The following INSRR variants were observed in gnomAD, a reference collection of about 807,000 sequenced individuals.
INSRR encodes insulin receptor-related protein.
INSRR carries 114 observed loss-of-function variants against 130.0 expected under a neutral mutation model. The observed-to-expected ratio is 0.88, with a 90% CI of 0.75 to 1.02. The LOEUF is 1.02. Among genes scored for constraint, INSRR ranks in the 50% least tolerant of loss-of-function variants. The pLI is 0.00. For synonymous variants in INSRR, 674 were observed against 705.2 expected, an observed-to-expected ratio of 0.96 and a Z score of 0.70; for missense variants, 1,657 against 1,735.2, an observed-to-expected ratio of 0.95 and a Z score of 0.80.
At position 156,841,709 on chromosome 1, in the gene INSRR, G is replaced by T; in HGVS notation, c.3483C>A (p.Pro1161=). The T allele has an allele frequency of 6.2e-7, 1 of 1,614,084 alleles. No homozygotes were observed. Among genetic ancestry groups the T allele is most frequent in the East Asian group, 2.2e-5 (1 of 44,878 alleles). Residue 1161 remains proline (P), a synonymous_variant, in exon 20 of 22, where the codon CCC becomes CCA. Transcript: ENST00000368195. ...TGAAGATCCCATCTTTGAGGGACTC[G>T]GGGGCCATCCAGCGCACGGGCAGCA... ...KGLLPVRWMA[P]ESLKDGIFTT... is the part of the protein sequence containing the mutation.
At position 156,841,727 on chromosome 1, in the gene INSRR, G is replaced by C; in HGVS notation, c.3465C>G (p.Pro1155=). ...YYRKGGKGLL[P]VRWMAPESLK... is the part of the protein sequence containing the mutation. The stretch of plus-strand genomic sequence containing the variant: ...GGGACTCGGGGGCCATCCAGCGCAC[G>C]GGCAGCAGCCCCTTCCCACCCTTGC... Residue 1155 remains proline (P), a synonymous_variant, in exon 20 of 22, where the codon CCC becomes CCG. Coordinates refer to ENST00000368195, the MANE Select transcript of INSRR (RefSeq NM_014215.3). 2 of 1,614,126 alleles carry C rather than the reference G, an allele frequency of 1.2e-6. No individual in the cohort carries two copies. The highest frequency in any genetic ancestry group is 2.2e-5 in the South Asian group (2 of 91,074).
intron 21 of INSRR, 68 bp downstream of exon 21, chr1:156,841,326 C>G (rs1218627194): frequency 2.8e-6 from 4 of 1,451,896 alleles, no homozygotes; most frequent in Non-Finnish European, 3.8e-6. Flanking sequence ...GAGCCAGAAT[C>G]ATGGGGCCGG....
rs1028927434 is a variant in INSRR, at chr1:156,855,485, G to A, written c.86-1182C>T. Reference sequence around the variant, plus strand: ...CTCCCAAAGTGCTGGGATTACAGGCGTGAACCACCACGCCCGGCCTGAACA... The same window carrying A: ...CTCCCAAAGTGCTGGGATTACAGGCATGAACCACCACGCCCGGCCTGAACA... On this transcript the variant is annotated intron_variant, in intron 1 of 21. Coordinates refer to ENST00000368195, the MANE Select transcript of INSRR (RefSeq NM_014215.3). 3.9e-5 allele frequency among the ~76,000 whole-genome samples: 6 copies of A among 152,000 alleles called. No individual in the cohort carries two copies. In the South Asian group the frequency reaches 6.2e-4, roughly 16 times the overall value.
chr1:156,857,989 GA>G (rs1322141383), intron 1 of INSRR, among the ~76,000 whole-genome samples: 4 of 152,168 alleles, frequency 2.6e-5, no homozygotes, highest in Non-Finnish European at 5.9e-5. Context: ...GGGTGTTGAG[GA>G]AGAGCAGTCT....
intron 1 of INSRR, 29 bp downstream of exon 1, chr1:156,858,508 G>T: frequency 6.3e-7 from 1 of 1,581,222 alleles, no homozygotes; most frequent in South Asian, 1.1e-5. Context: ...AGGGAGGTAG[G>T]GGTCTGGGAG....
intron 5 of INSRR, 40 bp from the exon 6 acceptor site, chr1:156,849,500 G>T (rs1417701358): frequency 7.5e-7 from 1 of 1,330,592 alleles, no homozygotes; most frequent in Non-Finnish European, 1.1e-6. Flanking sequence ...GGGGAGGTGG[G>T]GGCAGGGGGT....
chr1:156,841,176 G>A, intron 21 of INSRR, 72 bp from the exon 22 acceptor site: 1 of 1,229,432 alleles, frequency 8.1e-7, no homozygotes, highest in Non-Finnish European at 1.2e-6. Context: ...CTGCACTGAG[G>A]GTCAGTTGGT....
rs965031886 is a variant in INSRR, at chr1:156,844,284, G to A, written c.2738-4C>T. The A allele has an allele frequency of 2.5e-6, 4 of 1,606,618 alleles. No individual in the cohort carries two copies. The highest frequency in any genetic ancestry group is 1.7e-4 in the Middle Eastern group (1 of 6,050). On this transcript the variant is annotated splice_polypyrimidine_tract_variant and splice_region_variant and intron_variant, in intron 14 of 21. Transcript: ENST00000368195. Reference sequence around the variant, plus strand: ...AGCCCCCCAGCATCCTCCTCCTCTGGCAGTCAGAGGGCAGCAGAGGGTAGA... The same window carrying A: ...AGCCCCCCAGCATCCTCCTCCTCTGACAGTCAGAGGGCAGCAGAGGGTAGA...
In INSRR at chr1:156,849,369, A is replaced by G; in HGVS notation, c.1321T>C (p.Tyr441His). The G allele has an allele frequency of 6.2e-7, 1 of 1,613,864 alleles. No individual in the cohort carries two copies. The highest frequency in any genetic ancestry group is 8.5e-7 in the Non-Finnish European group (1 of 1,179,986). ...AGLTIPVGKIYFAFNPRLCLE... is the reference protein window; with the variant it reads ...AGLTIPVGKIHFAFNPRLCLE... ...CAGAGGCGCGGGTTGAAGGCGAAGT[A>G]GATCTTGCCCACGGGAATGGTGAGC... The change falls in exon 6 of 22, where the codon TAC becomes CAC. Residue 441 changes from tyrosine (Y) to histidine (H), a missense_variant. Physicochemically the swap from Tyr to His is moderately conservative, Grantham distance 83. Coordinates refer to ENST00000368195, the MANE Select transcript of INSRR (RefSeq NM_014215.3).
chr1:156,850,723 T>C (rs1655178001), intron 5 of INSRR, among the ~76,000 whole-genome samples: 1 of 150,228 alleles, frequency 6.7e-6, no homozygotes, highest in Non-Finnish European at 1.5e-5. Context: ...CCCATCTACT[T>C]TTTTTGTATT....
intron 2 of INSRR, 60 bp from the exon 3 acceptor site, chr1:156,852,251 C>A: frequency 6.8e-7 from 1 of 1,478,086 alleles, no homozygotes; most frequent in Non-Finnish European, 9.2e-7. Context: ...GCTGTCCTTC[C>A]AATGCTGGCC....
At chr1:156,842,593 G>C in intron 17 of INSRR, 85 bp from the exon 18 acceptor site, 5 of 984,992 alleles carry the variant, frequency 5.1e-6, no homozygotes, top group South Asian at 2.7e-5. Flanking sequence ...ACCACAGTCT[G>C]ACTCAGACAC....
chr1:156,843,271 C>T (rs2102855142), intron 16 of INSRR, 38 bp from the exon 17 acceptor site: 1 of 1,593,036 alleles, frequency 6.3e-7, no homozygotes, highest in Non-Finnish European at 8.6e-7. Context: ...GAGGATGCTG[C>T]TCTCTGCCAC....
At position 156,849,995 on chromosome 1, in the gene INSRR, C is replaced by T. The variant is rs142401355; in HGVS notation, c.1230-535G>A. ...GTGGCCCACTGCCGCCTTGACCTCCCGGGCTCAGGTGATCCTCCCACCTCA... is the reference window on the plus strand; with the variant it reads ...GTGGCCCACTGCCGCCTTGACCTCCTGGGCTCAGGTGATCCTCCCACCTCA... On this transcript the variant is annotated intron_variant, in intron 5 of 21. Coordinates refer to ENST00000368195, the MANE Select transcript of INSRR (RefSeq NM_014215.3). Among the ~76,000 whole-genome samples, 735 of 152,066 alleles carry T rather than the reference C, an allele frequency of 4.8e-3. 8 individuals carry two copies. The highest frequency in any genetic ancestry group is 0.017 in the African/African-American group (713 of 41,458).
chr1:156,841,943 C>G, intron 19 of INSRR, 149 bp from the exon 20 acceptor site: 1 of 1,542,500 alleles, frequency 6.5e-7, no homozygotes, highest in East Asian at 2.3e-5. Flanking sequence ...CAGAACTCAT[C>G]CCATCCAAAC....
At position 156,849,058 on chromosome 1, in the gene INSRR, C is replaced by A. The variant is rs1369074208; in HGVS notation, c.1445-11G>T. 3 of 1,610,692 alleles carry A rather than the reference C, an allele frequency of 1.9e-6. No individual in the cohort carries two copies. The highest frequency in any genetic ancestry group is 2.5e-6 in the Non-Finnish European group (3 of 1,178,850). On this transcript the variant is annotated splice_polypyrimidine_tract_variant and intron_variant, in intron 6 of 21. Coordinates refer to ENST00000368195, the MANE Select transcript of INSRR (RefSeq NM_014215.3). Reference sequence around the variant, plus strand: ...GGGTGCGAGTCTGGCCTGGGTGGGGCGAGGGGCCTGCTCGCAACCGCGCCT... The same window carrying A: ...GGGTGCGAGTCTGGCCTGGGTGGGGAGAGGGGCCTGCTCGCAACCGCGCCT...
chr1:156,853,541 T>C (rs975394530), intron 2 of INSRR, among the ~76,000 whole-genome samples: 1 of 152,228 alleles, frequency 6.6e-6, no homozygotes, highest in Non-Finnish European at 1.5e-5. Flanking sequence ...TATTCCATGA[T>C]GCCGCCTTGG....
chr1:156,853,900 G>C lies in INSRR; in HGVS notation c.489C>G (p.Gly163=). The C allele has an allele frequency of 6.2e-7, 1 of 1,614,118 alleles. No homozygotes were observed. Among genetic ancestry groups the C allele is most frequent in the Non-Finnish European group, 8.5e-7 (1 of 1,180,026 alleles). ...IDWGLLQPAP[G]ANHIVGNKLG... Reference sequence around the variant, plus strand: ...GCTTGTTGCCCACGATGTGGTTGGCGCCAGGTGCTGGCTGCAGCAGTCCCC... The same window carrying C: ...GCTTGTTGCCCACGATGTGGTTGGCCCCAGGTGCTGGCTGCAGCAGTCCCC... The change falls in exon 2 of 22, where the codon GGC becomes GGG. Residue 163 remains glycine (G), a synonymous_variant. Transcript: ENST00000368195.
rs771619204 is a variant in INSRR, at chr1:156,848,966, A to G, written c.1526T>C (p.Leu509Pro). ...GAAGCTGAGCAGGTCGCGGGCCTCC[A>G]GTGGCTCATAGCGCTCCCAGCGTAG... ...ILLRWERYEPLEARDLLSFIV... is the reference protein window; with the variant it reads ...ILLRWERYEPPEARDLLSFIV... Residue 509 changes from leucine to proline, a missense_variant, in exon 7 of 22, where the codon CTG (leucine) becomes CCG (proline). Physicochemically the swap from Leu to Pro is moderately conservative, Grantham distance 98. Transcript: ENST00000368195. 1.2e-6 allele frequency: 2 copies of G among 1,604,968 alleles called. No individual in the cohort carries two copies. The highest frequency in any genetic ancestry group is 1.3e-5 in the African/African-American group (1 of 74,736).
Sources: gnomAD v4.1 joint callset for allele counts (sites outside exome capture counted in the v4.1 genomes callset) on GRCh38, gnomAD v4.1.1 for gene constraint, MANE v1.5 for transcripts, NCBI Gene and HGNC (gene_info 2026-07-23, HGNC 2026-07-21) for gene names.